The following KCNMA1 variants were observed in gnomAD, a reference collection of about 807,000 sequenced individuals.
The protein encoded by KCNMA1 is potassium calcium-activated channel subfamily M alpha 1.
In KCNMA1, 29 loss-of-function variants were observed where a neutral mutation model predicts 140.0. The observed-to-expected ratio is 0.21, with a 90% CI of 0.15 to 0.28. KCNMA1 has a LOEUF of 0.28. Ranked by LOEUF, KCNMA1 falls within the 10% of genes least tolerant of loss-of-function variation. The pLI, the probability that KCNMA1 is intolerant of heterozygous loss-of-function variation, is 1.00. For missense variants in KCNMA1, 880 were observed against 1,602.2 expected, an observed-to-expected ratio of 0.55 and a Z score of 7.70; for synonymous variants, 612 against 611.9, an observed-to-expected ratio of 1.00 and a Z score of 0.00.
intron 15 of KCNMA1, among the ~76,000 whole-genome samples, chr10:77,031,922 GAGAAAAGATAAA>G (rs1405131079): frequency 2.0e-5 from 3 of 152,222 alleles, no homozygotes; most frequent in African/African-American, 4.8e-5. Flanking sequence ...TGGAGGGATG[GAGAAAAGATAAA>G]GTGGCAAACT....
intron 2 of KCNMA1, among the ~76,000 whole-genome samples, chr10:77,391,200 A>C (rs1739024347): frequency 6.6e-6 from 1 of 152,074 alleles, no homozygotes; most frequent in South Asian, 2.1e-4. Context: ...CCTCCAGTAA[A>C]CAAGGAAGGC....
At chr10:77,102,859 C>T (rs748352587) in intron 9 of KCNMA1, among the ~76,000 whole-genome samples, 1 of 152,148 alleles carries the variant, frequency 6.6e-6, no homozygotes, top group Non-Finnish European at 1.5e-5. Flanking sequence ...TTTAGTTGTA[C>T]CCTTGCTCAG....
At chr10:77,252,782 G>A (rs547572037) in intron 2 of KCNMA1, among the ~76,000 whole-genome samples, 1 of 152,112 alleles carries the variant, frequency 6.6e-6, no homozygotes, top group South Asian at 2.1e-4. Context: ...ATTGGACACT[G>A]TAAAAGGAAT....
intron 9 of KCNMA1, among the ~76,000 whole-genome samples, chr10:77,099,206 G>T (rs1476616625): frequency 1.3e-5 from 2 of 151,906 alleles, no homozygotes; most frequent in African/African-American, 2.4e-5. Context: ...CCAGGAGAGG[G>T]TTTTGATTTA....
intron 3 of KCNMA1, among the ~76,000 whole-genome samples, chr10:77,217,162 A>G (rs2048045553): frequency 6.6e-6 from 1 of 151,896 alleles, no homozygotes; most frequent in Non-Finnish European, 1.5e-5. Context: ...AAAATTAGCT[A>G]GGCATGGTGG....
intron 1 of KCNMA1, among the ~76,000 whole-genome samples, chr10:77,566,779 A>C (rs1030439604): frequency 1.3e-5 from 2 of 152,210 alleles, no homozygotes; most frequent in Non-Finnish European, 2.9e-5. Flanking sequence ...CCAAATGTTC[A>C]TGTACTCACT....
intron 2 of KCNMA1, among the ~76,000 whole-genome samples, chr10:77,297,664 T>G (rs2075528851): frequency 6.6e-6 from 1 of 152,062 alleles, no homozygotes; most frequent in East Asian, 1.9e-4. Context: ...ATGTGACTAC[T>G]CCCCAAGACA....
intron 1 of KCNMA1, among the ~76,000 whole-genome samples, chr10:77,556,948 C>A (rs192915773): frequency 1.0e-3 from 155 of 152,276 alleles, no homozygotes; most frequent in African/African-American, 3.5e-3. Flanking sequence ...GACTGAAAGT[C>A]ACTGAGGCAA....
At chr10:77,051,532 G>A (rs547933230) in intron 14 of KCNMA1, among the ~76,000 whole-genome samples, 1 of 152,340 alleles carries the variant, frequency 6.6e-6, no homozygotes, top group Non-Finnish European at 1.5e-5. Context: ...ATTCCCCTCT[G>A]CAGTTTCTCA....
intron 3 of KCNMA1, among the ~76,000 whole-genome samples, chr10:77,209,809 T>C (rs2045411826): frequency 6.6e-6 from 1 of 150,764 alleles, no homozygotes; most frequent in Non-Finnish European, 1.5e-5. Context: ...CTAGAGGAGA[T>C]AGATAAATTC....
chr10:77,591,262 A>C (rs1413666517), intron 1 of KCNMA1, among the ~76,000 whole-genome samples: 1 of 152,190 alleles, frequency 6.6e-6, no homozygotes, highest in Non-Finnish European at 1.5e-5. Context: ...AGCAGGGCAA[A>C]GGCAGGCAAA....
At chr10:77,212,657 T>A (rs1417711386) in intron 3 of KCNMA1, among the ~76,000 whole-genome samples, 1 of 152,168 alleles carries the variant, frequency 6.6e-6, no homozygotes. Context: ...CTCTCTCTCC[T>A]TCTCTCCCTC....
chr10:77,091,048 CAG>C, intron 9 of KCNMA1: 1 of 165,812 alleles, frequency 6.0e-6, no homozygotes, highest in South Asian at 1.6e-4. Flanking sequence ...TGGCCATAAG[CAG>C]TAAAAAGGAA....
At chr10:77,038,626 A>G (rs2094476640) in intron 15 of KCNMA1, among the ~76,000 whole-genome samples, 1 of 152,024 alleles carries the variant, frequency 6.6e-6, no homozygotes, top group Non-Finnish European at 1.5e-5. Context: ...GGCAGCCTCA[A>G]CCTCCTGGGC....
At chr10:77,337,180 C>A (rs1213144081) in intron 2 of KCNMA1, among the ~76,000 whole-genome samples, 4 of 152,184 alleles carry the variant, frequency 2.6e-5, no homozygotes, top group African/African-American at 7.2e-5. Context: ...GTGAGTGGAT[C>A]CTCAATAAGT....
At chr10:77,218,864 T>C (rs760269644) in intron 3 of KCNMA1, among the ~76,000 whole-genome samples, 3 of 152,098 alleles carry the variant, frequency 2.0e-5, no homozygotes, top group Non-Finnish European at 2.9e-5. Context: ...TTTTTGTTTT[T>C]TGGGTAGAGA....
chr10:77,530,536 C>T (rs990150425), intron 1 of KCNMA1, among the ~76,000 whole-genome samples: 2 of 152,200 alleles, frequency 1.3e-5, no homozygotes, highest in Non-Finnish European at 2.9e-5. Context: ...GTGCAAGTCA[C>T]GCCTAGAGCA....
At chr10:77,506,487 A>T (rs2045861225) in intron 1 of KCNMA1, among the ~76,000 whole-genome samples, 1 of 152,070 alleles carries the variant, frequency 6.6e-6, no homozygotes, top group African/African-American at 2.4e-5. Context: ...TGCATCTATC[A>T]GAGAGACAGA....
Position 77,183,413 on chromosome 10 carries a change from T to C in KCNMA1, c.808+8A>G, listed in dbSNP as rs1467269864. 14 of 1,597,184 alleles carry C rather than the reference T, an allele frequency of 8.8e-6. No individual in the cohort carries two copies. The highest frequency in any genetic ancestry group is 4.0e-5 in the African/African-American group (3 of 74,584). On this transcript the variant is annotated splice_region_variant and intron_variant, in intron 5 of 27. Transcript: ENST00000286628. ...CCAGGAAGGAGAAGGAAAGAGAGGC[T>C]GACTTACCAAGCCAACTTCTGTTTA... is the stretch of plus-strand genomic sequence containing the variant.
Sources: allele counts gnomAD v4.1 joint callset (sites outside exome capture counted in the v4.1 genomes callset), GRCh38; gene constraint gnomAD v4.1.1; transcripts MANE v1.5; gene names NCBI Gene and HGNC (gene_info 2026-07-23, HGNC 2026-07-21).